The following IFT88 variants were observed in gnomAD, a reference collection of about 807,000 sequenced individuals.
IFT88 encodes the protein intraflagellar transport protein 88 homolog.
In IFT88, 74 loss-of-function variants were observed where a neutral mutation model predicts 119.5. The ratio of observed to expected loss-of-function variants is 0.62; its 90% CI spans 0.51 to 0.75. IFT88 has a LOEUF of 0.75. IFT88 is among the 30% of genes least tolerant of loss of function. The probability of loss-of-function intolerance (pLI) is 0.00; values close to 1 mark genes in which losing one functional copy is unlikely to be tolerated. For missense variants in IFT88, 961 were observed against 977.7 expected (o/e 0.98, Z 0.23); for synonymous variants, 279 against 316.7 (o/e 0.88, Z 1.26).
intron 23 of IFT88, among the ~76,000 whole-genome samples, chr13:20,664,867 C>T (rs1279103512): frequency 1.3e-5 from 2 of 152,102 alleles, no homozygotes; most frequent in Non-Finnish European, 2.9e-5. Context: ...ATCACGAGGT[C>T]AGGAGATCGA....
intron 3 of IFT88, among the ~76,000 whole-genome samples, chr13:20,586,127 T>C (rs2039621209): frequency 6.6e-6 from 1 of 152,218 alleles, no homozygotes; most frequent in African/African-American, 2.4e-5. Context: ...ATTCTTATTT[T>C]ATAGATGAGG....
At chr13:20,629,812 A>G (rs1195170640) in intron 15 of IFT88, among the ~76,000 whole-genome samples, 1 of 152,328 alleles carries the variant, frequency 6.6e-6, no homozygotes, top group East Asian at 1.9e-4. Flanking sequence ...AGCAGGAGGC[A>G]CCAAGAGTCA....
intron 20 of IFT88, among the ~76,000 whole-genome samples, chr13:20,651,144 G>A (rs2051592755): frequency 6.6e-6 from 1 of 151,996 alleles, no homozygotes; most frequent in Admixed American, 6.6e-5. Flanking sequence ...AATTGTTTTG[G>A]CTATTCATGG....
intron 14 of IFT88, among the ~76,000 whole-genome samples, chr13:20,622,473 A>C (rs145223439): frequency 6.6e-6 from 1 of 152,378 alleles, no homozygotes; most frequent in Middle Eastern, 3.4e-3. Flanking sequence ...CTGGGGTGCC[A>C]CATCCTCACC....
At chr13:20,589,738 C>G (rs549253825) in intron 3 of IFT88, 73 bp from the exon 4 acceptor site, 32 of 772,830 alleles carry the variant, frequency 4.1e-5, no homozygotes, top group Admixed American at 2.4e-4. Context: ...TCTATATTTT[C>G]TATTTCTTTT....
chr13:20,656,260 CT>C (rs2052775022), intron 21 of IFT88, 104 bp from the exon 22 acceptor site: 1 of 413,230 alleles, frequency 2.4e-6, no homozygotes, highest in Non-Finnish European at 4.4e-6. Flanking sequence ...TGAAACCTTT[CT>C]ATTAAACCAT....
At chr13:20,676,788 C>T (rs1342405299) in intron 24 of IFT88, among the ~76,000 whole-genome samples, 1 of 152,184 alleles carries the variant, frequency 6.6e-6, no homozygotes, top group Non-Finnish European at 1.5e-5. Context: ...AGGCAAGTTA[C>T]AAAAAGCACA....
rs1291288906 is a variant in IFT88 at position 20,630,840 on chromosome 13, AT to A, written c.1300-174del. On this transcript the variant is annotated intron_variant, in intron 15 of 25. Coordinates refer to ENST00000351808, the MANE Select transcript of IFT88 (RefSeq NM_006531.5). ...ATTTCCATTTTATTCTTTTTTATAA[AT>A]TCTAATTCTCAAATGAAATTATCTT... Among the ~76,000 whole-genome samples, 3 of 152,168 alleles carry A rather than the reference AT, an allele frequency of 2.0e-5. No homozygotes were observed. In the East Asian group the frequency reaches 5.8e-4, roughly 29 times the overall value.
chr13:20,664,793 A>G (rs1181243318), intron 23 of IFT88, among the ~76,000 whole-genome samples: 1 of 152,170 alleles, frequency 6.6e-6, no homozygotes, highest in African/African-American at 2.4e-5. Flanking sequence ...TAAAGAAATA[A>G]TAGAGACTGG....
chr13:20,663,460 GC>G, intron 22 of IFT88, 37 bp from the exon 23 acceptor site: 1 of 1,599,612 alleles, frequency 6.3e-7, no homozygotes, highest in Non-Finnish European at 8.5e-7. Context: ...AATATACTGT[GC>G]CTATATTCTT....
At chr13:20,664,513 A>G (rs1285458104) in intron 23 of IFT88, among the ~76,000 whole-genome samples, 1 of 152,154 alleles carries the variant, frequency 6.6e-6, no homozygotes, top group Non-Finnish European at 1.5e-5. Context: ...GAGCCCCATA[A>G]TGGTGTGGAC....
chr13:20,653,194 G>T (rs2052079351), intron 20 of IFT88, among the ~76,000 whole-genome samples: 1 of 152,190 alleles, frequency 6.6e-6, no homozygotes, highest in African/African-American at 2.4e-5. Flanking sequence ...TTTAAAGCCA[G>T]ATCTATCTGA....
intron 1 of IFT88, chr13:20,567,887 A>C: frequency 1.6e-6 from 1 of 625,892 alleles, no homozygotes; most frequent in Non-Finnish European, 2.6e-6. Flanking sequence ...TTTTCGAGAA[A>C]CTGCAGTAGG....
chr13:20,571,055 A>G (rs2137827290), intron 1 of IFT88, among the ~76,000 whole-genome samples: 1 of 152,202 alleles, frequency 6.6e-6, no homozygotes, highest in East Asian at 1.9e-4. Context: ...GTGTGGTGGC[A>G]CAATCTCGGC....
chr13:20,689,557 CCCTTCGTTGACTG>C (rs1639665585), intron 24 of IFT88, among the ~76,000 whole-genome samples: 4 of 152,114 alleles, frequency 2.6e-5, no homozygotes, highest in African/African-American at 9.7e-5. Context: ...TATGCCCTTG[CCCTTCGTTGACTG>C]CAAACCCTAA....
At chr13:20,596,477 A>G (rs1272767649) in intron 8 of IFT88, among the ~76,000 whole-genome samples, 2 of 152,174 alleles carry the variant, frequency 1.3e-5, no homozygotes, top group Non-Finnish European at 2.9e-5. Flanking sequence ...AAAAATTCTA[A>G]TGTATTTGTA....
intron 24 of IFT88, among the ~76,000 whole-genome samples, chr13:20,679,173 G>A (rs780776433): frequency 6.6e-5 from 10 of 152,138 alleles, no homozygotes; most frequent in African/African-American, 9.7e-5. Flanking sequence ...CAATCACATT[G>A]TAACTGCATT....
chr13:20,663,241 T>TC (rs2054116963), intron 22 of IFT88: 5 of 1,432,604 alleles, frequency 3.5e-6, no homozygotes, highest in Non-Finnish European at 3.7e-6. Context: ...GCCAGCAGTG[T>TC]CCTGTGCCAT....
At chr13:20,600,880 A>G (rs2042478852) in intron 11 of IFT88, among the ~76,000 whole-genome samples, 1 of 152,272 alleles carries the variant, frequency 6.6e-6, no homozygotes, top group Non-Finnish European at 1.5e-5. Context: ...CAAGTAGGCA[A>G]TGTATAAATA....
Sources: allele counts gnomAD v4.1 joint callset (sites outside exome capture counted in the v4.1 genomes callset), GRCh38; gene constraint gnomAD v4.1.1; transcripts MANE v1.5; gene names NCBI Gene and HGNC (gene_info 2026-07-23, HGNC 2026-07-21).